Variants in RARB observed in about 807,000 individuals in gnomAD.
RARB encodes the protein HBV-activated protein.
In RARB, 17 loss-of-function variants were observed where a neutral mutation model predicts 51.9. The observed-to-expected ratio is 0.33, with a 90% CI of 0.22 to 0.49. The LOEUF (loss-of-function observed/expected upper bound fraction) is 0.49. Ranked by LOEUF, RARB falls within the 20% of genes least tolerant of loss-of-function variation. RARB has a pLI of 0.99. For synonymous variants in RARB, 215 were observed against 195.4 expected, an observed-to-expected ratio of 1.10 and a Z score of -0.84; for missense variants, 369 against 550.8, an observed-to-expected ratio of 0.67 and a Z score of 3.30.
intron 5 of RARB, among the ~76,000 whole-genome samples, chr3:25,291,319 C>T (rs184255478): frequency 1.5e-3 from 229 of 152,290 alleles, no homozygotes; most frequent in Non-Finnish European, 2.7e-3. Context: ...CAATAAACTG[C>T]ACTTGCAGAA....
At chr3:25,306,707 G>A (rs565963235) in intron 5 of RARB, among the ~76,000 whole-genome samples, 1 of 152,162 alleles carries the variant, frequency 6.6e-6, no homozygotes, top group East Asian at 1.9e-4. Context: ...TATTATTCTG[G>A]GGGAAAAAAA....
At chr3:25,483,205 G>A (rs1217862592) in intron 2 of RARB, among the ~76,000 whole-genome samples, 3 of 152,156 alleles carry the variant, frequency 2.0e-5, no homozygotes, top group Non-Finnish European at 4.4e-5. Context: ...GAAAGCATCG[G>A]GACACAATTG....
intron 5 of RARB, among the ~76,000 whole-genome samples, chr3:25,179,047 T>C (rs555259074): frequency 1.3e-5 from 2 of 152,326 alleles, no homozygotes; most frequent in South Asian, 4.1e-4. Context: ...TTCCCCTTCT[T>C]TTTTAATGAT....
At chr3:25,265,514 C>G (rs945108029) in intron 5 of RARB, among the ~76,000 whole-genome samples, 12 of 152,144 alleles carry the variant, frequency 7.9e-5, no homozygotes, top group African/African-American at 2.9e-4. Context: ...GCTCTGTCAC[C>G]CAGGCTGCAG....
At chr3:24,843,390 C>A (rs1219233172) in intron 1 of RARB, among the ~76,000 whole-genome samples, 1 of 152,128 alleles carries the variant, frequency 6.6e-6, no homozygotes, top group African/African-American at 2.4e-5. Context: ...AGCTGTGGGA[C>A]CTCAGAAAAG....
At chr3:25,481,824 T>C (rs924606515) in intron 2 of RARB, among the ~76,000 whole-genome samples, 1 of 152,252 alleles carries the variant, frequency 6.6e-6, no homozygotes, top group African/African-American at 2.4e-5. Flanking sequence ...CAGTAAAGAC[T>C]AGTAATCATA....
rs1208711206 is a variant in RARB at position 24,883,468 on chromosome 3, ATAAAG to A, written c.-380+24722_-380+24726del. Among the ~76,000 whole-genome samples the A allele has an allele frequency of 2.6e-5, 4 of 152,134 alleles. No homozygotes were observed. The East Asian group carries it at 7.7e-4, about 29-fold the overall frequency. ...TGAAGCAAACAAACTTTTAAATGCT[ATAAAG>A]TAAAGGAATCAAGAAAGAGGGCAAA... On this transcript the variant is annotated intron_variant, in intron 2 of 11. Transcript: ENST00000383772.
intron 5 of RARB, among the ~76,000 whole-genome samples, chr3:25,243,393 CA>C (rs564629192): frequency 8.7e-4 from 132 of 152,190 alleles, no homozygotes; most frequent in African/African-American, 2.9e-3. Context: ...TGCTGGTTTT[CA>C]AAGGGAATGG....
chr3:25,119,341 C>T (rs1225615265), intron 3 of RARB, among the ~76,000 whole-genome samples: 1 of 152,036 alleles, frequency 6.6e-6, no homozygotes, highest in Non-Finnish European at 1.5e-5. Flanking sequence ...AACCCTTGTT[C>T]CTCCATTTGA....
chr3:25,031,341 C>G (rs1697870502), intron 2 of RARB, among the ~76,000 whole-genome samples: 1 of 152,274 alleles, frequency 6.6e-6, no homozygotes, highest in South Asian at 2.1e-4. Flanking sequence ...TGTTAAGAAA[C>G]AGAAACATAG....
intron 2 of RARB, among the ~76,000 whole-genome samples, chr3:24,950,296 G>A (rs1429365457): frequency 6.6e-6 from 1 of 152,152 alleles, no homozygotes; most frequent in East Asian, 1.9e-4. Context: ...GCCCTATTTT[G>A]TATTTAATTT....
chr3:25,340,418 A>G (rs927965417), intron 5 of RARB, among the ~76,000 whole-genome samples: 3 of 152,072 alleles, frequency 2.0e-5, no homozygotes, highest in Non-Finnish European at 2.9e-5. Context: ...TTTTGAGTCC[A>G]TTGTTCACAA....
At chr3:25,428,069 A>G (rs766461807), upstream of RARB, among the ~76,000 whole-genome samples, 1 of 152,018 alleles carries the variant, frequency 6.6e-6, no homozygotes, top group Non-Finnish European at 1.5e-5. Context: ...AGGAAAGAAA[A>G]CGCCGGCTTG....
intron 5 of RARB, among the ~76,000 whole-genome samples, chr3:25,185,118 C>A (rs1030022230): frequency 2.0e-5 from 3 of 152,112 alleles, no homozygotes; most frequent in African/African-American, 7.2e-5. Context: ...TGGAAGTTTT[C>A]ACTTCATAGA....
At chr3:25,333,355 G>C (rs1412462498) in intron 5 of RARB, among the ~76,000 whole-genome samples, 2 of 152,006 alleles carry the variant, frequency 1.3e-5, no homozygotes, top group African/African-American at 4.8e-5. Context: ...AAGAACAGAG[G>C]CCTCAGAAAT....
chr3:25,156,235 G>T (rs977245139), intron 4 of RARB, among the ~76,000 whole-genome samples: 3 of 152,170 alleles, frequency 2.0e-5, no homozygotes, highest in African/African-American at 7.2e-5. Context: ...GGTCTGTGTT[G>T]ATGGACACTG....
intron 4 of RARB, among the ~76,000 whole-genome samples, chr3:25,135,652 A>T (rs1315358687): frequency 6.6e-6 from 1 of 152,088 alleles, no homozygotes; most frequent in Non-Finnish European, 1.5e-5. Flanking sequence ...CAGTGAGAAG[A>T]CATAGCTAAA....
chr3:25,065,136 C>G (rs961048352), intron 3 of RARB, among the ~76,000 whole-genome samples: 2 of 142,238 alleles, frequency 1.4e-5, no homozygotes, highest in Admixed American at 7.0e-5. Flanking sequence ...TTTTTTTTTT[C>G]AGTTTCTGGA....
chr3:25,270,109 A>C (rs1703219379), intron 5 of RARB, among the ~76,000 whole-genome samples: 1 of 152,210 alleles, frequency 6.6e-6, no homozygotes, highest in African/African-American at 2.4e-5. Flanking sequence ...GTTCTTCAAA[A>C]TATTAAAAAT....
Sources: allele counts gnomAD v4.1 joint callset (sites outside exome capture counted in the v4.1 genomes callset), GRCh38; gene constraint gnomAD v4.1.1; transcripts MANE v1.5; gene names NCBI Gene and HGNC (gene_info 2026-07-23, HGNC 2026-07-21).